The following ACTN2 variants were observed in gnomAD, a reference collection of about 807,000 sequenced individuals.
The protein encoded by ACTN2 is alpha-actinin-2.
Under a neutral mutation model 113.8 loss-of-function variants are expected in ACTN2, and 39 were observed. That is an observed-to-expected ratio of 0.34 (90% CI 0.27 to 0.45). The LOEUF is 0.45. ACTN2 is among the 20% of genes least tolerant of loss of function. The pLI is 1.00. For synonymous variants in ACTN2, 429 were observed against 444.1 expected, an observed-to-expected ratio of 0.97 and a Z score of 0.43; for missense variants, 992 against 1,177.9, an observed-to-expected ratio of 0.84 and a Z score of 2.31.
intron 20 of ACTN2, among the ~76,000 whole-genome samples, chr1:236,761,482 CCT>C (rs1270127185): frequency 5.3e-5 from 8 of 151,802 alleles, no homozygotes; most frequent in Admixed American, 1.3e-4. Context: ...TGGTTCGACC[CCT>C]GTTTTACATT....
chr1:236,735,801 G>T, intron 8 of ACTN2, 81 bp downstream of exon 8: 2 of 1,192,478 alleles, frequency 1.7e-6, no homozygotes, highest in Non-Finnish European at 2.5e-6. Context: ...GTGTGTGTTT[G>T]TGCGCTTCAC....
rs772606052 is a variant in ACTN2, at chr1:236,749,132, G to T, written c.1524G>T (p.Glu508Asp). 8.1e-6 allele frequency: 13 copies of T among 1,614,144 alleles called. No homozygotes were observed. The highest frequency in any genetic ancestry group is 1.0e-5 in the Non-Finnish European group (12 of 1,180,038). The change falls in exon 14 of 21, where the codon GAG becomes GAT. Residue 508 changes from glutamate (E) to aspartate (D), a missense_variant. Transcript: ENST00000366578. ...QKRREALERM[E>D]KLLETIDQLH... ...TTCTCTTTATTCTTTAGAGAATGGAGAAATTGCTAGAAACCATTGATCAGC... is the reference window on the plus strand; with the variant it reads ...TTCTCTTTATTCTTTAGAGAATGGATAAATTGCTAGAAACCATTGATCAGC...
chr1:236,718,830 A>G (rs969151238), intron 2 of ACTN2, 64 bp from the exon 3 acceptor site: 2 of 1,610,290 alleles, frequency 1.2e-6, no homozygotes, highest in African/African-American at 2.7e-5. Context: ...TAGTTTTGGC[A>G]TCTTGATTCC....
intron 6 of ACTN2, among the ~76,000 whole-genome samples, chr1:236,729,007 C>T (rs934571851): frequency 1.6e-4 from 25 of 152,100 alleles, no homozygotes; most frequent in African/African-American, 5.8e-4. Flanking sequence ...TAAGGCAGTA[C>T]AGAGCGTCCA....
Position 236,735,779 on chromosome 1 carries a change from G to A in ACTN2, c.783+59G>A, listed in dbSNP as rs555772728. The A allele has an allele frequency of 4.3e-6, 6 of 1,411,732 alleles. No individual in the cohort carries two copies. In the African/African-American group the frequency reaches 5.7e-5, roughly 13 times the overall value. The allele number at this position is 1,411,732 out of a possible 1,614,324, so 87.5% of individuals were successfully genotyped here. A position where few individuals can be genotyped will look rare whatever the true frequency, so the allele number is the denominator to read the frequency against. ...TACTCTCTGTTGGTTTTAGTTGTGT[G>A]TGCATACTTGAGTGTGTGTTTGTGC... is the stretch of plus-strand genomic sequence containing the variant. On this transcript the variant is annotated intron_variant, in intron 8 of 20. Coordinates refer to ENST00000366578, the MANE Select transcript of ACTN2 (RefSeq NM_001103.4).
chr1:236,729,620 A>G (rs1465571780), intron 6 of ACTN2, among the ~76,000 whole-genome samples: 1 of 152,196 alleles, frequency 6.6e-6, no homozygotes, highest in East Asian at 1.9e-4. Context: ...ACAGGGTAGC[A>G]TGTGAAGAGT....
chr1:236,717,303 C>T (rs1042597221), intron 1 of ACTN2, among the ~76,000 whole-genome samples: 7 of 151,888 alleles, frequency 4.6e-5, no homozygotes, highest in Non-Finnish European at 8.8e-5. Flanking sequence ...TAGGTGTGGT[C>T]GTGCATGCCT....
chr1:236,686,754 C>A lies in ACTN2; in HGVS notation c.81C>A (p.Asp27Glu). The A allele has an allele frequency of 1.3e-6, 2 of 1,550,750 alleles. No individual in the cohort carries two copies. Among genetic ancestry groups the A allele is most frequent in the South Asian group, 1.2e-5 (1 of 84,724 alleles). The change falls in exon 1 of 21, where the codon GAC (aspartate) becomes GAA (glutamate). Residue 27 changes from aspartate to glutamate, a missense_variant. Coordinates refer to ENST00000366578, the MANE Select transcript of ACTN2 (RefSeq NM_001103.4). ...ACATGATCCAGGAGGAGGAGTGGGACCGCGACCTGCTCCTGGACCCAGCCT... is the reference window on the plus strand; with the variant it reads ...ACATGATCCAGGAGGAGGAGTGGGAACGCGACCTGCTCCTGGACCCAGCCT... Reference protein sequence around the residue: ...DEYMIQEEEWDRDLLLDPAWE... With the variant: ...DEYMIQEEEWERDLLLDPAWE...
intron 1 of ACTN2, among the ~76,000 whole-genome samples, chr1:236,715,794 A>G (rs954986227): frequency 6.6e-6 from 1 of 152,064 alleles, no homozygotes; most frequent in Non-Finnish European, 1.5e-5. Flanking sequence ...CGTCTCTACT[A>G]AAAATACAAA....
rs997617533 is a variant in ACTN2, at chr1:236,763,209, C to A, written c.*590C>A. 5.6e-5 allele frequency: 9 copies of A among 159,960 alleles called. No individual in the cohort carries two copies. Among genetic ancestry groups the A allele is most frequent in the Admixed American group, 1.8e-4 (3 of 16,686 alleles). 9.9% of individuals were successfully genotyped at this position (159,960 alleles called of 1,614,324 possible). A position where few individuals can be genotyped will look rare whatever the true frequency, so the allele number is the denominator to read the frequency against. On this transcript the variant is annotated 3_prime_UTR_variant, in exon 21 of 21. Transcript: ENST00000366578. ...CTACCCAAAAGATTTTTGGCACTTA[C>A]AATTTTTAAAATAGTTTATGTCATC...
Position 236,753,964 on chromosome 1 carries a change from C to A in ACTN2, c.1857C>A (p.Pro619=), listed in dbSNP as rs1659474774. Residue 619 remains proline (P), a synonymous_variant, in exon 16 of 21, where the codon CCC becomes CCA. Coordinates refer to ENST00000366578, the MANE Select transcript of ACTN2 (RefSeq NM_001103.4). ...CCTGACAGGTGAAGCAACTCGTGCC[C>A]ATCCGCGATCAATCCCTGCAGGAGG... ...TKWDKVKQLV[P]IRDQSLQEEL... The A allele has an allele frequency of 3.1e-6, 5 of 1,614,008 alleles. No individual in the cohort carries two copies. The highest frequency in any genetic ancestry group is 1.3e-5 in the African/African-American group (1 of 74,904).
chr1:236,750,420 A>G (rs1659361562), intron 14 of ACTN2, among the ~76,000 whole-genome samples: 1 of 152,192 alleles, frequency 6.6e-6, no homozygotes, highest in Admixed American at 6.5e-5. Flanking sequence ...ACTCTTAAGC[A>G]CAGGCCAACA....
In ACTN2 at chr1:236,686,523, C is replaced by A; in HGVS notation, c.-151C>A. 14 of 878,344 alleles carry A rather than the reference C, an allele frequency of 1.6e-5. No homozygotes were observed. The highest frequency in any genetic ancestry group is 2.1e-5 in the Non-Finnish European group (14 of 667,258). The allele number at this position is 878,344 out of a possible 1,614,324, so 54.4% of individuals were successfully genotyped here. ...CGGAGCTGGTGCTTCGCCCGAGACC[C>A]AGCGCCCAGGCGTGTCGCCCCGAGA... On this transcript the variant is annotated 5_prime_UTR_variant, in exon 1 of 21. Transcript: ENST00000366578.
intron 1 of ACTN2, among the ~76,000 whole-genome samples, chr1:236,694,220 CT>C (rs540449597): frequency 1.0e-3 from 137 of 134,384 alleles, no homozygotes; most frequent in Admixed American, 1.4e-3. Flanking sequence ...TTTTTCTTTT[CT>C]TTTTTTTTTT....
chr1:236,744,255 A>G (rs1659158026), intron 11 of ACTN2, among the ~76,000 whole-genome samples: 1 of 152,234 alleles, frequency 6.6e-6, no homozygotes, highest in South Asian at 2.1e-4. Context: ...CCGGGGTTTT[A>G]TCTAAGCATC....
In ACTN2 at chr1:236,757,509, G is replaced by C. The variant is rs1659583892; in HGVS notation, c.2178G>C (p.Leu726=). Residue 726 remains leucine, a synonymous_variant, in exon 18 of 21, where the codon CTG becomes CTC. Coordinates refer to ENST00000366578, the MANE Select transcript of ACTN2 (RefSeq NM_001103.4). ...TMEHIRVGWE[L]LLTTIARTIN... ...AGCACATTCGTGTTGGATGGGAGCT[G>C]CTGCTGACAACCATCGCCAGAACCA... 1 of 1,613,992 alleles carries C rather than the reference G, an allele frequency of 6.2e-7. No homozygotes were observed. The highest frequency in any genetic ancestry group is 1.3e-5 in the African/African-American group (1 of 74,894).
chr1:236,691,488 T>A (rs1488150788), intron 1 of ACTN2, among the ~76,000 whole-genome samples: 1 of 149,134 alleles, frequency 6.7e-6, no homozygotes, highest in Non-Finnish European at 1.5e-5. Flanking sequence ...GCAAAAAAAA[T>A]AAAAAATTTA....
At chr1:236,699,585 G>T (rs1657614794) in intron 1 of ACTN2, among the ~76,000 whole-genome samples, 1 of 152,148 alleles carries the variant, frequency 6.6e-6, no homozygotes, top group Non-Finnish European at 1.5e-5. Context: ...ACTAGAAAAT[G>T]AGACTTTCAG....
At chr1:236,753,913 G>A (rs775814881) in intron 15 of ACTN2, 34 bp from the exon 16 acceptor site, 1 of 1,606,870 alleles carries the variant, frequency 6.2e-7, no homozygotes, top group African/African-American at 1.4e-5. Context: ...ACCACAGCTG[G>A]CCTCTAACCC....
Sources: allele counts gnomAD v4.1 joint callset (sites outside exome capture counted in the v4.1 genomes callset), GRCh38; gene constraint gnomAD v4.1.1; transcripts MANE v1.5; gene names NCBI Gene and HGNC (gene_info 2026-07-23, HGNC 2026-07-21).